The following ERBB4 variants were observed in gnomAD, a reference collection of about 807,000 sequenced individuals.
ERBB4 encodes the protein receptor tyrosine-protein kinase erbB-4.
In ERBB4, 42 loss-of-function variants were observed where a neutral mutation model predicts 158.0. That is an observed-to-expected ratio of 0.27 (90% confidence interval 0.21 to 0.34). ERBB4 has a LOEUF of 0.34. Ranked by LOEUF, ERBB4 falls within the 10% of genes least tolerant of loss-of-function variation. The pLI is 1.00. For synonymous variants in ERBB4, 583 were observed against 558.7 expected (o/e 1.04, Z -0.61); for missense variants, 1,333 against 1,624.1 (o/e 0.82, Z 3.08).
intron 15 of ERBB4, among the ~76,000 whole-genome samples, chr2:211,659,183 ATC>A (rs34438565): frequency 0.48 from 72,438 of 151,722 alleles, 17,999 homozygotes; most frequent in Middle Eastern, 0.6. Context: ...TAAGTCACTT[ATC>A]TCTCTGTCTC....
intron 14 of ERBB4, among the ~76,000 whole-genome samples, chr2:211,671,638 T>A (rs1158432826): frequency 6.6e-6 from 1 of 152,184 alleles, no homozygotes; most frequent in Non-Finnish European, 1.5e-5. Flanking sequence ...TCCCAGCCTA[T>A]TCAGATGAGA....
intron 1 of ERBB4, among the ~76,000 whole-genome samples, chr2:212,464,135 A>T (rs930480085): frequency 6.6e-6 from 1 of 152,082 alleles, no homozygotes; most frequent in African/African-American, 2.4e-5. Context: ...TTTCCTTCTT[A>T]CCCTGAAATC....
chr2:212,068,396 A>G (rs962065807), intron 2 of ERBB4, among the ~76,000 whole-genome samples: 1 of 152,064 alleles, frequency 6.6e-6, no homozygotes, highest in African/African-American at 2.4e-5. Flanking sequence ...ACAGCCGACT[A>G]AAAACAAATG....
chr2:212,509,776 A>G (rs1560514389), intron 1 of ERBB4, among the ~76,000 whole-genome samples: 1 of 151,978 alleles, frequency 6.6e-6, no homozygotes, highest in African/African-American at 2.4e-5. Flanking sequence ...TTGTTCACTG[A>G]TTAAATTATT....
chr2:212,446,589 A>ATG (rs1491531986), intron 1 of ERBB4, among the ~76,000 whole-genome samples: 2 of 22,712 alleles, frequency 8.8e-5, no homozygotes, highest in Non-Finnish European at 7.0e-5. Context: ...ATATATATAT[A>ATG]TGTATATATA....
chr2:212,525,842 A>T (rs956956142), intron 1 of ERBB4, among the ~76,000 whole-genome samples: 1 of 152,038 alleles, frequency 6.6e-6, no homozygotes, highest in Non-Finnish European at 1.5e-5. Flanking sequence ...AGAATATGAA[A>T]TTCTACCAGA....
At chr2:212,228,982 A>G (rs2083571882) in intron 1 of ERBB4, among the ~76,000 whole-genome samples, 1 of 152,216 alleles carries the variant, frequency 6.6e-6, no homozygotes, top group Non-Finnish European at 1.5e-5. Flanking sequence ...TCTGTACTTG[A>G]AAAATATTGA....
At chr2:211,864,219 A>C (rs1182719417) in intron 3 of ERBB4, among the ~76,000 whole-genome samples, 1 of 151,944 alleles carries the variant, frequency 6.6e-6, no homozygotes, top group African/African-American at 2.4e-5. Context: ...CTTTTCTGGG[A>C]TGCTGCTGCT....
intron 2 of ERBB4, among the ~76,000 whole-genome samples, chr2:212,091,727 T>C (rs1251111757): frequency 6.6e-6 from 1 of 152,144 alleles, no homozygotes; most frequent in Non-Finnish European, 1.5e-5. Flanking sequence ...ATATTAACAA[T>C]AGCTAGTTTT....
intron 1 of ERBB4, among the ~76,000 whole-genome samples, chr2:212,331,723 G>C (rs531582199): frequency 6.6e-6 from 1 of 151,972 alleles, no homozygotes; most frequent in African/African-American, 2.4e-5. Flanking sequence ...GAGAAGTACA[G>C]ATTTTAAATA....
At chr2:212,054,980 C>T (rs905111546) in intron 2 of ERBB4, among the ~76,000 whole-genome samples, 7 of 151,966 alleles carry the variant, frequency 4.6e-5, no homozygotes, top group South Asian at 2.1e-4. Flanking sequence ...GCCCACTGAG[C>T]GAGAGCCAAA....
intron 1 of ERBB4, among the ~76,000 whole-genome samples, chr2:212,180,093 G>A (rs116671065): frequency 4.0e-3 from 612 of 151,744 alleles, no homozygotes; most frequent in Middle Eastern, 0.01. Context: ...GATAATTGCC[G>A]TTGCATGCCA....
intron 2 of ERBB4, among the ~76,000 whole-genome samples, chr2:212,071,786 C>T (rs1369821096): frequency 1.3e-5 from 2 of 151,926 alleles, no homozygotes; most frequent in Non-Finnish European, 2.9e-5. Flanking sequence ...ATATTCTTTC[C>T]CAGTAATGTG....
chr2:212,333,096 C>A (rs533017992), intron 1 of ERBB4, among the ~76,000 whole-genome samples: 1 of 152,098 alleles, frequency 6.6e-6, no homozygotes, highest in South Asian at 2.1e-4. Flanking sequence ...CACATGTATA[C>A]TTGCACACAT....
At chr2:212,099,913 G>A (rs2079036637) in intron 2 of ERBB4, among the ~76,000 whole-genome samples, 2 of 151,680 alleles carry the variant, frequency 1.3e-5, no homozygotes, top group Admixed American at 6.6e-5. Flanking sequence ...CCATTTTAAA[G>A]ATAACAGTGA....
intron 20 of ERBB4, among the ~76,000 whole-genome samples, chr2:211,551,397 T>C (rs571524044): frequency 2.6e-5 from 4 of 152,298 alleles, no homozygotes; most frequent in Admixed American, 2.0e-4. Context: ...TAAGGGTGTA[T>C]TGTCATTAAA....
rs1366740565 is a variant in ERBB4 at position 212,538,604 on chromosome 2, G to A, written c.-74C>T. On this transcript the variant is annotated 5_prime_UTR_variant, in exon 1 of 28. Transcript: ENST00000342788. ...ATATCCCCCTTTCGGGCACGCGGAG[G>A]AGATCCCCCAGCCGGGCGCGCGTGG... 3.4e-6 allele frequency: 5 copies of A among 1,472,514 alleles called. No homozygotes were observed. Among genetic ancestry groups the A allele is most frequent in the Admixed American group, 3.4e-5 (2 of 59,648 alleles). 91.2% of individuals were successfully genotyped at this position (1,472,514 alleles called of 1,614,324 possible).
chr2:211,902,908 T>C (rs1458052889), intron 3 of ERBB4, among the ~76,000 whole-genome samples: 2 of 152,006 alleles, frequency 1.3e-5, no homozygotes, highest in Admixed American at 1.3e-4. Flanking sequence ...TAATATATAA[T>C]TACTTTTCTT....
At chr2:211,459,287 C>A (rs1268890264) in intron 20 of ERBB4, among the ~76,000 whole-genome samples, 1 of 152,168 alleles carries the variant, frequency 6.6e-6, no homozygotes, top group African/African-American at 2.4e-5. Context: ...ATGTGGTCAA[C>A]CAACTACTTC....
Sources: allele counts gnomAD v4.1 joint callset (sites outside exome capture counted in the v4.1 genomes callset), GRCh38; gene constraint gnomAD v4.1.1; transcripts MANE v1.5; gene names NCBI Gene and HGNC (gene_info 2026-07-23, HGNC 2026-07-21).